KCND2: variants seen among roughly 807,000 people sequenced by gnomAD.
KCND2 encodes the protein A-type voltage-gated potassium channel KCND2.
KCND2 carries 16 observed loss-of-function variants against 54.4 expected under a neutral mutation model. The ratio of observed to expected loss-of-function variants is 0.29; its 90% CI spans 0.20 to 0.45. The LOEUF is 0.45. KCND2 is among the 20% of genes least tolerant of loss of function. The pLI, the probability that KCND2 is intolerant of heterozygous loss-of-function variation, is 1.00. For missense variants in KCND2, 486 were observed against 824.2 expected (o/e 0.59, Z 5.02); for synonymous variants, 317 against 310.7 (o/e 1.02, Z -0.21).
intron 1 of KCND2, among the ~76,000 whole-genome samples, chr7:120,580,834 C>A (rs1792505953): frequency 6.6e-6 from 1 of 151,996 alleles, no homozygotes; most frequent in Non-Finnish European, 1.5e-5. Flanking sequence ...GCACAATGAG[C>A]AACTTCTAAA....
At chr7:120,673,858 T>A (rs1416048185) in intron 1 of KCND2, among the ~76,000 whole-genome samples, 1 of 151,948 alleles carries the variant, frequency 6.6e-6, no homozygotes, top group Non-Finnish European at 1.5e-5. Flanking sequence ...TGAATAATCT[T>A]TCCTTCATGC....
intron 1 of KCND2, among the ~76,000 whole-genome samples, chr7:120,490,052 G>T (rs1202722719): frequency 2.6e-5 from 4 of 152,216 alleles, no homozygotes; most frequent in African/African-American, 9.6e-5. Context: ...TCTCAGAGTG[G>T]CCTGGAAGTC....
chr7:120,596,726 C>G (rs987336831), intron 1 of KCND2, among the ~76,000 whole-genome samples: 3 of 90,530 alleles, frequency 3.3e-5, no homozygotes, highest in African/African-American at 8.5e-5. Context: ...GTTACGGTTA[C>G]CATACTGTTA....
At chr7:120,576,130 GT>G (rs1349644434) in intron 1 of KCND2, among the ~76,000 whole-genome samples, 1 of 152,036 alleles carries the variant, frequency 6.6e-6, no homozygotes, top group Non-Finnish European at 1.5e-5. Flanking sequence ...TTTTGATATA[GT>G]CTTCTTCAGC....
intron 1 of KCND2, among the ~76,000 whole-genome samples, chr7:120,497,405 A>G (rs957908030): frequency 6.6e-6 from 1 of 152,208 alleles, no homozygotes; most frequent in African/African-American, 2.4e-5. Context: ...GATTTTCTGG[A>G]AGAGGTGAGT....
intron 1 of KCND2, among the ~76,000 whole-genome samples, chr7:120,500,645 A>G (rs1447028440): frequency 1.3e-5 from 2 of 152,044 alleles, no homozygotes; most frequent in African/African-American, 4.8e-5. Flanking sequence ...ATAAGCAACA[A>G]TAACAACAGC....
intron 1 of KCND2, among the ~76,000 whole-genome samples, chr7:120,632,837 G>C (rs1793254552): frequency 6.6e-6 from 1 of 152,112 alleles, no homozygotes; most frequent in Non-Finnish European, 1.5e-5. Context: ...TTTGAGCTTA[G>C]AAGGATTCCA....
chr7:120,602,925 G>A (rs1792833188), intron 1 of KCND2, among the ~76,000 whole-genome samples: 1 of 152,156 alleles, frequency 6.6e-6, no homozygotes, highest in African/African-American at 2.4e-5. Context: ...TGGGACAAAG[G>A]TGAGAAGGAA....
At chr7:120,319,503 A>T (rs1799861909) in intron 1 of KCND2, among the ~76,000 whole-genome samples, 1 of 152,094 alleles carries the variant, frequency 6.6e-6, no homozygotes. Flanking sequence ...CATATTGGTT[A>T]TGAAAAGGAA....
At chr7:120,502,293 C>T (rs1802948717) in intron 1 of KCND2, among the ~76,000 whole-genome samples, 1 of 151,938 alleles carries the variant, frequency 6.6e-6, no homozygotes, top group African/African-American at 2.4e-5. Flanking sequence ...TTCCCCTATG[C>T]TAAGCTTTCA....
intron 1 of KCND2, among the ~76,000 whole-genome samples, chr7:120,499,498 A>T (rs1802900589): frequency 6.6e-6 from 1 of 152,188 alleles, no homozygotes; most frequent in African/African-American, 2.4e-5. Flanking sequence ...TAAAAGAAGC[A>T]TTGAGCTGTA....
chr7:120,745,797 C>T lies in KCND2; in HGVS notation c.1485C>T (p.Asp495=), dbSNP rs772458094. The T allele has an allele frequency of 2.0e-5, 32 of 1,613,490 alleles. No homozygotes were observed. Among genetic ancestry groups the T allele is most frequent in the East Asian group, 1.1e-4 (5 of 44,830 alleles). ...LEKTTNHEFV[D]EQVFEESCME... Reference sequence around the variant, plus strand: ...TGGAACAGAATCACGAGTTTGTGGACGAACAAGTCTTTGAAGAAAGCTGCA... The same window carrying T: ...TGGAACAGAATCACGAGTTTGTGGATGAACAAGTCTTTGAAGAAAGCTGCA... The change falls in exon 5 of 6, where the codon GAC becomes GAT. Residue 495 remains aspartate (D), a synonymous_variant. Coordinates refer to ENST00000331113, the MANE Select transcript of KCND2 (RefSeq NM_012281.3).
At position 120,660,621 on chromosome 7, in the gene KCND2, T is replaced by C. The variant is rs534255585; in HGVS notation, c.1116-72282T>C. ...TTATATTCAAATGTGCAAATGCACA[T>C]CATTATATGAATTAAGGCTTGCTTA... On this transcript the variant is annotated intron_variant, in intron 1 of 5. Transcript: ENST00000331113. Among the ~76,000 whole-genome samples the C allele has an allele frequency of 6.6e-5, 10 of 152,328 alleles. No homozygotes were observed. In the East Asian group the frequency reaches 1.9e-3, roughly 29 times the overall value.
intron 1 of KCND2, among the ~76,000 whole-genome samples, chr7:120,593,684 C>T (rs939130002): frequency 6.6e-6 from 1 of 152,070 alleles, no homozygotes; most frequent in African/African-American, 2.4e-5. Context: ...TATATATAAA[C>T]GACCATGCAT....
intron 1 of KCND2, among the ~76,000 whole-genome samples, chr7:120,638,760 T>C (rs1466893090): frequency 6.6e-6 from 1 of 152,022 alleles, no homozygotes; most frequent in Non-Finnish European, 1.5e-5. Flanking sequence ...ATCAAAAGAG[T>C]ACTTTCATGC....
chr7:120,495,298 T>C (rs1233343095), intron 1 of KCND2, among the ~76,000 whole-genome samples: 4 of 152,068 alleles, frequency 2.6e-5, no homozygotes, highest in Admixed American at 2.6e-4. Context: ...TAAAAGGTAT[T>C]AGAAACACAC....
At chr7:120,395,595 G>A (rs1352549137) in intron 1 of KCND2, among the ~76,000 whole-genome samples, 1 of 152,006 alleles carries the variant, frequency 6.6e-6, no homozygotes, top group Non-Finnish European at 1.5e-5. Flanking sequence ...TAACTCATAG[G>A]CAGTGTGCCA....
chr7:120,716,884 C>T (rs916485957), intron 1 of KCND2, among the ~76,000 whole-genome samples: 10 of 151,990 alleles, frequency 6.6e-5, no homozygotes, highest in African/African-American at 9.7e-5. Context: ...CCAAGATCCC[C>T]GGTGGATGCC....
chr7:120,649,674 A>C (rs138958282), intron 1 of KCND2, among the ~76,000 whole-genome samples: 1,651 of 151,758 alleles, frequency 0.011, 9 homozygotes, highest in Non-Finnish European at 0.015. Context: ...CCCTTTGTCA[A>C]ATGAGTAGTT....
Sources: gnomAD v4.1 joint callset for allele counts (sites outside exome capture counted in the v4.1 genomes callset) on GRCh38, gnomAD v4.1.1 for gene constraint, MANE v1.5 for transcripts, NCBI Gene and HGNC (gene_info 2026-07-23, HGNC 2026-07-21) for gene names.